EPHB1: variants seen among roughly 807,000 people sequenced by gnomAD.
EPHB1 encodes the protein EPH receptor B1.
EPHB1 carries 30 observed loss-of-function variants against 94.4 expected under a neutral mutation model. That is an observed-to-expected ratio of 0.32 (90% CI 0.24 to 0.43). The LOEUF is 0.43. Ranked by LOEUF, EPHB1 falls within the 20% of genes least tolerant of loss-of-function variation. EPHB1 has a pLI of 1.00. For synonymous variants in EPHB1, 522 were observed against 489.1 expected (o/e 1.07, Z -0.89); for missense variants, 1,055 against 1,308.3 (o/e 0.81, Z 2.99).
chr3:135,122,934 G>A (rs1479471610), intron 4 of EPHB1, among the ~76,000 whole-genome samples: 12 of 152,330 alleles, frequency 7.9e-5, no homozygotes, highest in South Asian at 6.2e-4. Context: ...ACCCTAATGA[G>A]CAACACGTGC....
chr3:135,162,150 G>A lies in EPHB1; in HGVS notation c.1555G>A (p.Gly519Ser), dbSNP rs1435865991. 1 of 1,610,200 alleles carries A rather than the reference G, an allele frequency of 6.2e-7. No homozygotes were observed. Among genetic ancestry groups the A allele is most frequent in the Admixed American group, 1.7e-5 (1 of 59,670 alleles). The part of the protein sequence containing the change: ...RTVAGYGKFS[G>S]KMCFQTLTDD... ...TGTTGCTGGCTACGGCAAGTTCAGT[G>A]GCAAGATGTGCTTCCAGACTCTGAC... Residue 519 changes from glycine (G) to serine (S), a missense_variant, in exon 7 of 16, where the codon GGC becomes AGC. Gly to Ser is a moderately conservative substitution (Grantham distance 56). Coordinates refer to ENST00000398015, the MANE Select transcript of EPHB1 (RefSeq NM_004441.5).
chr3:134,859,522 A>G (rs2037200181), intron 1 of EPHB1, among the ~76,000 whole-genome samples: 1 of 152,142 alleles, frequency 6.6e-6, no homozygotes, highest in Non-Finnish European at 1.5e-5. Context: ...GTGTTGCTCT[A>G]TGAAACCTGG....
chr3:134,988,647 C>G (rs1222858153), intron 3 of EPHB1, among the ~76,000 whole-genome samples: 1 of 152,184 alleles, frequency 6.6e-6, no homozygotes, highest in South Asian at 2.1e-4. Context: ...ATACATGGTA[C>G]AAGTATTCAG....
intron 1 of EPHB1, among the ~76,000 whole-genome samples, chr3:134,843,689 A>G (rs2036817396): frequency 2.0e-5 from 3 of 151,060 alleles, no homozygotes; most frequent in Admixed American, 2.0e-4. Context: ...TGATTTTTTT[A>G]TTTCAGTTAT....
At chr3:134,922,508 C>T (rs1025523750) in intron 1 of EPHB1, among the ~76,000 whole-genome samples, 2 of 152,210 alleles carry the variant, frequency 1.3e-5, no homozygotes, top group African/African-American at 4.8e-5. Context: ...AGCACTAGAG[C>T]AGGTGATCAT....
At position 135,052,660 on chromosome 3, in the gene EPHB1, G is replaced by A. The variant is rs181880780; in HGVS notation, c.806-53788G>A. ...GCGGATCACGAGGTCAGGAGCTCAC[G>A]ACCATCCTGGCTAACACGGTGAGAC... On this transcript the variant is annotated intron_variant, in intron 3 of 15. Transcript: ENST00000398015. 4.3e-3 allele frequency among the ~76,000 whole-genome samples: 653 copies of A among 150,948 alleles called. 2 individuals are homozygous for A. The highest frequency in any genetic ancestry group is 7.4e-3 in the Non-Finnish European group (504 of 67,760).
intron 3 of EPHB1, among the ~76,000 whole-genome samples, chr3:135,020,399 C>G (rs1935950343): frequency 6.6e-6 from 1 of 152,160 alleles, no homozygotes; most frequent in Non-Finnish European, 1.5e-5. Flanking sequence ...AAAAGAAGCC[C>G]TTGCCCAATA....
At chr3:135,222,716 T>C (rs1225002553) in intron 12 of EPHB1, among the ~76,000 whole-genome samples, 1 of 152,232 alleles carries the variant, frequency 6.6e-6, no homozygotes, top group African/African-American at 2.4e-5. Context: ...ATTGGATTTT[T>C]AATTTGGATG....
rs199734379 is a variant in EPHB1, at chr3:135,106,533, G to T, written c.891G>T (p.Ala297=). The T allele has an allele frequency of 6.2e-7, 1 of 1,614,016 alleles. No individual in the cohort carries two copies. The highest frequency in any genetic ancestry group is 8.5e-7 in the Non-Finnish European group (1 of 1,179,892). Residue 297 remains alanine, a synonymous_variant, in exon 4 of 16, where the codon GCG becomes GCT. Transcript: ENST00000398015. ...CPSNSRSPAE[A]SPICTCRTGY... is the part of the protein sequence containing the mutation. Reference sequence around the variant, plus strand: ...CCAACAGCCGCTCCCCTGCAGAGGCGTCTCCCATCTGCACCTGTCGGACCG... The same window carrying T: ...CCAACAGCCGCTCCCCTGCAGAGGCTTCTCCCATCTGCACCTGTCGGACCG...
In EPHB1 at chr3:135,053,027, G is replaced by GTATATATATATATATATATATA. The variant is rs1243029809; in HGVS notation, c.806-53414_806-53393dup. 5.1e-4 allele frequency among the ~76,000 whole-genome samples: 56 copies of GTATATATATATATATATATATA among 110,448 alleles called. 1 individual carries two copies. The highest frequency in any genetic ancestry group is 2.1e-3 in the African/African-American group (50 of 23,642). 72.5% of individuals were successfully genotyped at this position (110,448 alleles called of 152,430 possible). ...TGTGTATATATATGTGTGTGTGTGTGTATATATATATATATATATATATAT... is the reference window on the plus strand; with the variant it reads ...TGTGTATATATATGTGTGTGTGTGTGTATATATATATATATATATATATATATATATATATATATATATATAT... On this transcript the variant is annotated intron_variant, in intron 3 of 15. Transcript: ENST00000398015.
intron 5 of EPHB1, among the ~76,000 whole-genome samples, chr3:135,141,155 T>C (rs2107690272): frequency 6.6e-6 from 1 of 151,582 alleles, no homozygotes; most frequent in East Asian, 1.9e-4. Context: ...CTTTTTTTTT[T>C]TTTTTTTTTC....
At chr3:135,219,236 G>C (rs1214571322) in intron 12 of EPHB1, among the ~76,000 whole-genome samples, 1 of 152,066 alleles carries the variant, frequency 6.6e-6, no homozygotes, top group Non-Finnish European at 1.5e-5. Context: ...AAGGGCCCTG[G>C]GATCAGTTGA....
rs779823058 is a variant in EPHB1, at chr3:135,201,689, G to C, written c.2346G>C (p.Leu782Phe). The C allele has an allele frequency of 6.2e-7, 1 of 1,613,286 alleles. No individual in the cohort carries two copies. Among genetic ancestry groups the C allele is most frequent in the South Asian group, 1.1e-5 (1 of 91,034 alleles). Reference sequence around the variant, plus strand: ...CAGATCCCACCTACACCAGCTCCTTGGTGAGTCCTTCTTGGCATTCTCAAG... The same window carrying C: ...CAGATCCCACCTACACCAGCTCCTTCGTGAGTCCTTCTTGGCATTCTCAAG... The part of the protein sequence containing the change: ...DTSDPTYTSS[L>F]GGKIPVRWTA... The change falls in exon 12 of 16, where the codon TTG (leucine) becomes TTC (phenylalanine). Residue 782 changes from leucine (L) to phenylalanine (F), a missense_variant and splice_region_variant. By Grantham distance (22) the Leu-to-Phe change is conservative. Transcript: ENST00000398015.
chr3:134,797,737 G>T (rs1230182035), intron 1 of EPHB1, among the ~76,000 whole-genome samples: 6 of 152,180 alleles, frequency 3.9e-5, no homozygotes, highest in African/African-American at 9.7e-5. Context: ...CTTACCCCCG[G>T]TGCGGTGGCT....
chr3:134,993,545 G>C (rs917382060), intron 3 of EPHB1, among the ~76,000 whole-genome samples: 10 of 152,166 alleles, frequency 6.6e-5, no homozygotes, highest in African/African-American at 2.4e-4. Flanking sequence ...TTTCTTGGGG[G>C]ACCTGCACTG....
At chr3:135,040,097 T>C (rs1936786266) in intron 3 of EPHB1, among the ~76,000 whole-genome samples, 2 of 152,214 alleles carry the variant, frequency 1.3e-5, no homozygotes, top group African/African-American at 4.8e-5. Context: ...AAAATCTTTG[T>C]AGATAACAAA....
At chr3:134,959,966 CT>C (rs61369813) in intron 3 of EPHB1, among the ~76,000 whole-genome samples, 1 of 107,420 alleles carries the variant, frequency 9.3e-6, no homozygotes, top group Non-Finnish European at 1.9e-5. Flanking sequence ...ACATCTGCAC[CT>C]TTTTTTTTTT....
intron 3 of EPHB1, among the ~76,000 whole-genome samples, chr3:134,983,582 A>C (rs1484635070): frequency 6.6e-6 from 1 of 152,248 alleles, no homozygotes; most frequent in Admixed American, 6.5e-5. Flanking sequence ...GAAGGAGAGC[A>C]GGACAGAGTG....
intron 3 of EPHB1, among the ~76,000 whole-genome samples, chr3:134,979,742 G>T (rs1177667915): frequency 6.6e-6 from 1 of 151,208 alleles, no homozygotes; most frequent in Non-Finnish European, 1.5e-5. Context: ...TTGATCAGGA[G>T]CAACCCATTG....
Sources: gnomAD v4.1 joint callset for allele counts (sites outside exome capture counted in the v4.1 genomes callset) on GRCh38, gnomAD v4.1.1 for gene constraint, MANE v1.5 for transcripts, NCBI Gene and HGNC (gene_info 2026-07-23, HGNC 2026-07-21) for gene names.